The following SGCZ variants were observed in gnomAD, a reference collection of about 807,000 sequenced individuals.
The protein encoded by SGCZ is zeta-sarcoglycan.
Under a neutral mutation model 41.3 loss-of-function variants are expected in SGCZ, and 40 were observed. The observed-to-expected ratio is 0.97, with a 90% CI of 0.75 to 1.26. The LOEUF (loss-of-function observed/expected upper bound fraction) is 1.26. Ranked by LOEUF, SGCZ falls within the 50% of genes most tolerant of loss-of-function variation. The pLI is 0.00. For synonymous variants in SGCZ, 206 were observed against 137.5 expected, an observed-to-expected ratio of 1.50 and a Z score of -3.49; for missense variants, 552 against 369.8, an observed-to-expected ratio of 1.49 and a Z score of -4.04.
chr8:14,371,098 A>G (rs1475421547), intron 2 of SGCZ, among the ~76,000 whole-genome samples: 1 of 152,022 alleles, frequency 6.6e-6, no homozygotes, highest in Non-Finnish European at 1.5e-5. Flanking sequence ...TATATTTTAA[A>G]TATTCACAAA....
intron 3 of SGCZ, among the ~76,000 whole-genome samples, chr8:14,269,906 T>C (rs1324326262): frequency 6.6e-6 from 1 of 152,186 alleles, no homozygotes; most frequent in East Asian, 1.9e-4. Context: ...AATATGTATT[T>C]ATAATTTAAC....
intron 1 of SGCZ, among the ~76,000 whole-genome samples, chr8:14,742,731 A>G (rs1799231266): frequency 6.6e-6 from 1 of 152,094 alleles, no homozygotes; most frequent in Non-Finnish European, 1.5e-5. Flanking sequence ...CTGAGAATAC[A>G]AAACACTACT....
rs982246498 is a variant in SGCZ, at chr8:14,087,058, G to C, written c.*3385C>G. Among the ~76,000 whole-genome samples, 1 of 150,534 alleles carries C rather than the reference G, an allele frequency of 6.6e-6. No homozygotes were observed. The highest frequency in any genetic ancestry group is 1.5e-5 in the Non-Finnish European group (1 of 67,046). On this transcript the variant is annotated 3_prime_UTR_variant, in exon 8 of 8. Coordinates refer to ENST00000382080, the MANE Select transcript of SGCZ (RefSeq NM_139167.4). ...ACTGGAATTGCTGGCTCCATTTTCC[G>C]AGATTTGAAGTACTGTAATCTAAGA...
intron 7 of SGCZ, 37 bp from the exon 8 acceptor site, chr8:14,090,674 A>G (rs1034373276): frequency 6.3e-7 from 1 of 1,579,322 alleles, no homozygotes; most frequent in Non-Finnish European, 8.6e-7. Context: ...AATTCATTTT[A>G]GAAATGTAGC....
At chr8:14,811,950 T>G (rs1801750903) in intron 1 of SGCZ, among the ~76,000 whole-genome samples, 1 of 152,052 alleles carries the variant, frequency 6.6e-6, no homozygotes. Flanking sequence ...TTAATTATCC[T>G]GAGCTGGAGT....
At chr8:14,346,638 T>C (rs555835596) in intron 2 of SGCZ, among the ~76,000 whole-genome samples, 3 of 152,010 alleles carry the variant, frequency 2.0e-5, no homozygotes, top group Non-Finnish European at 4.4e-5. Context: ...AAATATCACA[T>C]GGAAAGTTTT....
rs547758064 is a variant in SGCZ at position 14,424,198 on chromosome 8, C to T, written c.235-99994G>A. ...AATAAGCTGTGAAGTGTAAGGAGGG[C>T]GGGATAAAAACCATAGTAGTAGAAG... On this transcript the variant is annotated intron_variant, in intron 2 of 7. Coordinates refer to ENST00000382080, the MANE Select transcript of SGCZ (RefSeq NM_139167.4). 2.6e-4 allele frequency among the ~76,000 whole-genome samples: 39 copies of T among 152,024 alleles called. No individual in the cohort carries two copies. In the East Asian group the frequency reaches 6.0e-3, roughly 23 times the overall value.
intron 3 of SGCZ, chr8:14,309,647 C>T: frequency 6.2e-7 from 1 of 1,610,698 alleles, no homozygotes; most frequent in East Asian, 2.2e-5. Context: ...AGAGCGGCTC[C>T]ACCACTAAAA....
At chr8:14,307,315 A>C (rs958061762) in intron 3 of SGCZ, among the ~76,000 whole-genome samples, 4 of 152,164 alleles carry the variant, frequency 2.6e-5, no homozygotes, top group African/African-American at 9.6e-5. Context: ...CCAGGGTCAA[A>C]GAAACAGTTC....
At chr8:14,142,402 G>A (rs758530436) in intron 5 of SGCZ, among the ~76,000 whole-genome samples, 4 of 152,108 alleles carry the variant, frequency 2.6e-5, no homozygotes, top group African/African-American at 4.8e-5. Flanking sequence ...CAGGAGGGGA[G>A]CTGGGCTGGC....
intron 1 of SGCZ, among the ~76,000 whole-genome samples, chr8:15,161,852 T>A (rs1172432789): frequency 6.6e-6 from 1 of 152,040 alleles, no homozygotes; most frequent in Non-Finnish European, 1.5e-5. Flanking sequence ...CTGGGCAACA[T>A]GACGAAACCC....
At chr8:14,204,995 C>G (rs1243497319) in intron 4 of SGCZ, among the ~76,000 whole-genome samples, 1 of 152,086 alleles carries the variant, frequency 6.6e-6, no homozygotes, top group Non-Finnish European at 1.5e-5. Context: ...GAACCTATAT[C>G]CTCTCACCCA....
chr8:14,241,028 G>T (rs752876683), intron 3 of SGCZ, among the ~76,000 whole-genome samples: 20 of 152,078 alleles, frequency 1.3e-4, no homozygotes, highest in Non-Finnish European at 2.1e-4. Context: ...AAAAAAGAAA[G>T]ACATTTAAGA....
intron 1 of SGCZ, among the ~76,000 whole-genome samples, chr8:14,914,773 C>T (rs1382505025): frequency 6.6e-6 from 1 of 152,144 alleles, no homozygotes; most frequent in Admixed American, 6.6e-5. Flanking sequence ...TCTTTGTATA[C>T]TTCTGAAAAA....
At chr8:15,194,443 T>C (rs892340160) in intron 1 of SGCZ, among the ~76,000 whole-genome samples, 3 of 152,172 alleles carry the variant, frequency 2.0e-5, no homozygotes, top group Admixed American at 6.5e-5. Context: ...ATGATGCCTA[T>C]GTCTTAATCC....
intron 2 of SGCZ, among the ~76,000 whole-genome samples, chr8:14,428,441 G>A (rs1020652735): frequency 6.6e-6 from 1 of 151,714 alleles, no homozygotes; most frequent in African/African-American, 2.4e-5. Context: ...AAAATTCACG[G>A]TAATTATATT....
intron 2 of SGCZ, among the ~76,000 whole-genome samples, chr8:14,397,526 C>T (rs1798953165): frequency 6.6e-6 from 1 of 152,078 alleles, no homozygotes; most frequent in Non-Finnish European, 1.5e-5. Context: ...AAGTAACTCC[C>T]TGTTCCACTG....
At chr8:14,501,897 A>G (rs370259343) in intron 2 of SGCZ, among the ~76,000 whole-genome samples, 5 of 152,150 alleles carry the variant, frequency 3.3e-5, no homozygotes, top group African/African-American at 1.2e-4. Context: ...TGGTAAATGT[A>G]TATTGAAATA....
intron 1 of SGCZ, among the ~76,000 whole-genome samples, chr8:14,887,920 G>C (rs770525247): frequency 6.8e-4 from 104 of 152,064 alleles, no homozygotes; most frequent in Non-Finnish European, 1.2e-3. Context: ...CCAGAAACTG[G>C]GATCTGAGGG....
Sources: gnomAD v4.1 joint callset for allele counts (sites outside exome capture counted in the v4.1 genomes callset) on GRCh38, gnomAD v4.1.1 for gene constraint, MANE v1.5 for transcripts, NCBI Gene and HGNC (gene_info 2026-07-23, HGNC 2026-07-21) for gene names.